Variants in RBFOX1 observed in about 807,000 individuals in gnomAD.
RBFOX1 encodes the protein RNA binding protein fox-1 homolog 1.
A neutral mutation model predicts 57.7 loss-of-function variants in RBFOX1; 8 were observed. That is an observed-to-expected ratio of 0.14 (90% CI 0.08 to 0.25). The LOEUF (loss-of-function observed/expected upper bound fraction) is 0.25, where lower values mean the gene tolerates loss of function less well. RBFOX1 is among the 10% of genes least tolerant of loss of function. RBFOX1 has a pLI of 1.00. For synonymous variants in RBFOX1, 326 were observed against 222.4 expected, an observed-to-expected ratio of 1.47 and a Z score of -4.15; for missense variants, 611 against 548.5, an observed-to-expected ratio of 1.11 and a Z score of -1.14.
At chr16:5,362,801 C>A (rs917821888) in intron 1 of RBFOX1, among the ~76,000 whole-genome samples, 2 of 152,012 alleles carry the variant, frequency 1.3e-5, no homozygotes, top group Non-Finnish European at 2.9e-5. Context: ...TAGCATTTGT[C>A]TTTGTGTAAC....
intron 1 of RBFOX1, among the ~76,000 whole-genome samples, chr16:6,157,248 A>G (rs1487095505): frequency 6.6e-6 from 1 of 152,220 alleles, no homozygotes; most frequent in Non-Finnish European, 1.5e-5. Context: ...AGGTGATGAT[A>G]CAACTTTCAG....
chr16:6,210,873 G>T (rs1195079199), intron 1 of RBFOX1, among the ~76,000 whole-genome samples: 3 of 152,192 alleles, frequency 2.0e-5, no homozygotes. Context: ...AGCCCTAGAG[G>T]TGTCAGCTCA....
chr16:5,487,408 T>G lies in RBFOX1; in HGVS notation c.258+20154T>G, dbSNP rs895907108. 2.7e-4 allele frequency among the ~76,000 whole-genome samples: 41 copies of G among 152,172 alleles called. 2 individuals are homozygous for G. Among genetic ancestry groups the G allele is most frequent in the Admixed American group, 1.6e-3 (24 of 15,280 alleles). ...GGGAACCAAAGATGATGTGAGAGTT[T>G]CAGATCTTGCAGAAGCTGACAGCAC... On this transcript the variant is annotated intron_variant, in intron 2 of 2. Transcript: ENST00000585867.
At chr16:7,507,901 T>C (rs1272534176) in intron 4 of RBFOX1, among the ~76,000 whole-genome samples, 1 of 150,960 alleles carries the variant, frequency 6.6e-6, no homozygotes, top group East Asian at 2.0e-4. Flanking sequence ...AAGGAGCTCA[T>C]GCTCCACTGA....
At chr16:7,266,735 G>C (rs1257121892) in intron 4 of RBFOX1, among the ~76,000 whole-genome samples, 1 of 152,072 alleles carries the variant, frequency 6.6e-6, no homozygotes, top group Non-Finnish European at 1.5e-5. Context: ...TAAGCAAAAA[G>C]TAAGAATTTT....
intron 3 of RBFOX1, among the ~76,000 whole-genome samples, chr16:6,869,754 A>T (rs188802508): frequency 1.3e-5 from 2 of 152,210 alleles, no homozygotes; most frequent in Non-Finnish European, 2.9e-5. Context: ...GGAAATGGGT[A>T]AAATTCTAAA....
chr16:6,325,278 G>A (rs2082249196), intron 2 of RBFOX1, among the ~76,000 whole-genome samples: 2 of 152,180 alleles, frequency 1.3e-5, no homozygotes, highest in Non-Finnish European at 2.9e-5. Flanking sequence ...AGGATCACAT[G>A]AGCCCAGGAA....
At chr16:5,794,108 G>GT (rs570088016) in intron 3 of RBFOX1, among the ~76,000 whole-genome samples, 2 of 152,162 alleles carry the variant, frequency 1.3e-5, no homozygotes, top group Non-Finnish European at 2.9e-5. Flanking sequence ...TACATCTGTG[G>GT]TGTTGGGCAT....
At chr16:7,460,757 G>C (rs1486458982) in intron 4 of RBFOX1, among the ~76,000 whole-genome samples, 1 of 151,880 alleles carries the variant, frequency 6.6e-6, no homozygotes, top group Non-Finnish European at 1.5e-5. Context: ...TGAATGAATA[G>C]ATAAATAAAT....
chr16:6,188,253 A>AC (rs1193431654), intron 1 of RBFOX1, among the ~76,000 whole-genome samples: 1 of 152,056 alleles, frequency 6.6e-6, no homozygotes, highest in Non-Finnish European at 1.5e-5. Context: ...CCACACATTA[A>AC]CTAGTGGCTG....
chr16:7,047,321 A>G (rs2048320363), intron 3 of RBFOX1, among the ~76,000 whole-genome samples: 1 of 152,112 alleles, frequency 6.6e-6, no homozygotes, highest in Non-Finnish European at 1.5e-5. Flanking sequence ...TAGTATTCTC[A>G]GTTGACAATT....
chr16:6,991,495 A>C (rs553287606), intron 3 of RBFOX1, among the ~76,000 whole-genome samples: 47 of 152,248 alleles, frequency 3.1e-4, no homozygotes, highest in African/African-American at 1.1e-3. Flanking sequence ...ATGAATTCCC[A>C]TGTGATTATT....
At chr16:6,920,558 A>G (rs1295872366) in intron 3 of RBFOX1, among the ~76,000 whole-genome samples, 1 of 152,208 alleles carries the variant, frequency 6.6e-6, no homozygotes, top group African/African-American at 2.4e-5. Context: ...GCTTGAAACA[A>G]CAGAAATTTA....
At chr16:6,151,121 T>G (rs1374041054) in intron 1 of RBFOX1, among the ~76,000 whole-genome samples, 1 of 152,174 alleles carries the variant, frequency 6.6e-6, no homozygotes, top group Non-Finnish European at 1.5e-5. Flanking sequence ...CATCCCTCCA[T>G]AAATACATAT....
At chr16:5,412,012 A>C (rs1327707418) in intron 1 of RBFOX1, among the ~76,000 whole-genome samples, 1 of 152,192 alleles carries the variant, frequency 6.6e-6, no homozygotes, top group Non-Finnish European at 1.5e-5. Context: ...TCGGTTAGTT[A>C]TGAGAGTCAC....
rs1567181164 is a variant in RBFOX1 at position 5,514,952 on chromosome 16, G to A, written c.258+47698G>A. ...AGCATGGCGCCAGTGTCTGCTTTTG[G>A]TCAGGACCTCAGGGAGCTTTTACTC... On this transcript the variant is annotated intron_variant, in intron 2 of 2. Transcript: ENST00000585867. Among the ~76,000 whole-genome samples the A allele has an allele frequency of 2.0e-5, 3 of 152,296 alleles. No individual in the cohort carries two copies. In the South Asian group the frequency reaches 6.2e-4, roughly 32 times the overall value.
At chr16:6,439,553 T>G (rs2094322572) in intron 2 of RBFOX1, among the ~76,000 whole-genome samples, 1 of 152,116 alleles carries the variant, frequency 6.6e-6, no homozygotes, top group South Asian at 2.1e-4. Context: ...AACCTGCAGT[T>G]TGGGTACAGG....
intron 1 of RBFOX1, among the ~76,000 whole-genome samples, chr16:5,407,643 A>G (rs947744115): frequency 1.3e-5 from 2 of 151,988 alleles, no homozygotes; most frequent in African/African-American, 2.4e-5. Flanking sequence ...CTGGCTCCCA[A>G]GTTCAAGCAA....
intron 4 of RBFOX1, among the ~76,000 whole-genome samples, chr16:7,361,981 GTGTA>G (rs1412926223): frequency 2.6e-5 from 4 of 151,974 alleles, no homozygotes; most frequent in African/African-American, 9.7e-5. Flanking sequence ...ATGCCAGTGT[GTGTA>G]TGTGTGTTAG....
Sources: gnomAD v4.1 joint callset for allele counts (sites outside exome capture counted in the v4.1 genomes callset) on GRCh38, gnomAD v4.1.1 for gene constraint, MANE v1.5 for transcripts, NCBI Gene and HGNC (gene_info 2026-07-23, HGNC 2026-07-21) for gene names.